The following C1orf116 variants were observed in gnomAD, a reference collection of about 807,000 sequenced individuals.
C1orf116 encodes chromosome 1 open reading frame 116, also known as specifically androgen-regulated gene protein.
C1orf116 carries 12 observed loss-of-function variants against 14.1 expected under a neutral mutation model. The observed-to-expected ratio is 0.85, with a 90% CI of 0.54 to 1.38. The LOEUF (loss-of-function observed/expected upper bound fraction) is 1.38. Ranked by LOEUF, C1orf116 falls within the 40% of genes most tolerant of loss-of-function variation. The pLI, the probability that C1orf116 is intolerant of heterozygous loss-of-function variation, is 0.00. For synonymous variants in C1orf116, 296 were observed against 299.0 expected (o/e 0.99, Z 0.10); for missense variants, 797 against 747.0 (o/e 1.07, Z -0.78).
chr1:207,022,570 C>A lies in C1orf116; in HGVS notation c.1194G>T (p.Gln398His). The A allele has an allele frequency of 6.2e-7, 1 of 1,614,136 alleles. No individual in the cohort carries two copies. Among genetic ancestry groups the A allele is most frequent in the Non-Finnish European group, 8.5e-7 (1 of 1,179,990 alleles). Residue 398 changes from glutamine (Q) to histidine (H), a missense_variant, in exon 4 of 4, where the codon CAG becomes CAT. By Grantham distance (24) the Gln-to-His change is conservative (BLOSUM62 0). Transcript: ENST00000359470. ...CAGCAGCAGGAATAGCTGCTGAGGCCTGGGCTGGAGCTGCAGGCTGAGCCA... is the reference window on the plus strand; with the variant it reads ...CAGCAGCAGGAATAGCTGCTGAGGCATGGGCTGGAGCTGCAGGCTGAGCCA... ...PGLAQPAAPAQASAAIPAAGK... is the reference protein window; with the variant it reads ...PGLAQPAAPAHASAAIPAAGK...
At chr1:207,032,359 A>G (rs549174972) in intron 1 of C1orf116, among the ~76,000 whole-genome samples, 2 of 152,344 alleles carry the variant, frequency 1.3e-5, no homozygotes, top group South Asian at 2.1e-4. Context: ...AATGAAAAAG[A>G]AGGTGCCTCC....
Position 207,023,522 on chromosome 1 carries a change from G to A in C1orf116, c.284-42C>T, listed in dbSNP as rs767560908. ...GAACATAAAAGAGTGGACAGAAAAA[G>A]AGTGGACAGAGGTGAGGGCCCTGCT... On this transcript the variant is annotated intron_variant, in intron 3 of 3. Coordinates refer to ENST00000359470, the MANE Select transcript of C1orf116 (RefSeq NM_023938.6). 5.2e-6 allele frequency: 8 copies of A among 1,547,482 alleles called. No homozygotes were observed. The African/African-American group carries it at 8.2e-5, about 16-fold the overall frequency.
rs1408258551 is a variant in C1orf116, at chr1:207,023,596, T to C, written c.284-116A>G. 4 of 1,378,120 alleles carry C rather than the reference T, an allele frequency of 2.9e-6. No homozygotes were observed. The African/African-American group carries it at 4.4e-5, about 15-fold the overall frequency. The allele number at this position is 1,378,120 out of a possible 1,614,324, so 85.4% of individuals were successfully genotyped here. ...CTGAACTCTGATCCCAAACTAGCAA[T>C]GAATGGGTTTTATTTTGCCTTGTTT... On this transcript the variant is annotated intron_variant, in intron 3 of 3. Transcript: ENST00000359470.
chr1:207,026,848 A>G (rs1160312656), intron 2 of C1orf116, among the ~76,000 whole-genome samples: 2 of 152,254 alleles, frequency 1.3e-5, no homozygotes, highest in Non-Finnish European at 2.9e-5. Context: ...GTAGCTAAAC[A>G]CAGTGACTTT....
In C1orf116 at chr1:207,025,037, T is replaced by C. The variant is rs2102300913; in HGVS notation, c.133A>G (p.Thr45Ala). 7.2e-7 allele frequency: 1 copy of C among 1,396,716 alleles called. No homozygotes were observed. Among genetic ancestry groups the C allele is most frequent in the Non-Finnish European group, 9.5e-7 (1 of 1,054,454 alleles). The allele number at this position is 1,396,716 out of a possible 1,614,324, so 86.5% of individuals were successfully genotyped here. A position where few individuals can be genotyped will look rare whatever the true frequency, so the allele number is the denominator to read the frequency against. Residue 45 changes from threonine (T) to alanine (A), a missense_variant, in exon 3 of 4, where the codon ACT becomes GCT. By Grantham distance (58) the Thr-to-Ala change is moderately conservative. Transcript: ENST00000359470. ...AAGAGCAGACACTCCTTCTCTTCAG[T>C]GGACAGGAAGTCGTAGCTGCTATCA... ...SSDSSYDFLS[T>A]EEKECLLFLE...
Position 207,022,273 on chromosome 1 carries a change from A to G in C1orf116, c.1491T>C (p.Thr497=), listed in dbSNP as rs1681898848. 1.2e-6 allele frequency: 2 copies of G among 1,613,712 alleles called. No homozygotes were observed. Among genetic ancestry groups the G allele is most frequent in the South Asian group, 1.1e-5 (1 of 90,990 alleles). Residue 497 remains threonine (T), a synonymous_variant, in exon 4 of 4, where the codon ACT becomes ACC. Coordinates refer to ENST00000359470, the MANE Select transcript of C1orf116 (RefSeq NM_023938.6). ...SGVGLSSYLS[T]EKDASPKTST... The stretch of plus-strand genomic sequence containing the variant: ...TGGTTTTGGGGCTGGCATCTTTCTC[A>G]GTTGAAAGGTAGCTGCTCAGTCCCA...
In C1orf116 at chr1:207,021,611, C is replaced by T. The variant is rs1289543975; in HGVS notation, c.*347G>A. 2 of 179,812 alleles carry T rather than the reference C, an allele frequency of 1.1e-5. No homozygotes were observed. Among genetic ancestry groups the T allele is most frequent in the Non-Finnish European group, 2.3e-5 (2 of 86,636 alleles). 11.1% of individuals were successfully genotyped at this position (179,812 alleles called of 1,614,324 possible). On this transcript the variant is annotated 3_prime_UTR_variant, in exon 4 of 4. Coordinates refer to ENST00000359470, the MANE Select transcript of C1orf116 (RefSeq NM_023938.6). ...CTCAGGCATGGCCAGCCCCTTCACTCAGCTCTCACTAGGCTGGACTCTACC... is the reference window on the plus strand; with the variant it reads ...CTCAGGCATGGCCAGCCCCTTCACTTAGCTCTCACTAGGCTGGACTCTACC...
At position 207,023,426 on chromosome 1, in the gene C1orf116, TCA is replaced by T. The variant is rs1390053204; in HGVS notation, c.336_337del (p.Glu113ValfsTer8). 3.1e-6 allele frequency: 5 copies of T among 1,613,644 alleles called. No homozygotes were observed. The highest frequency in any genetic ancestry group is 4.2e-6 in the Non-Finnish European group (5 of 1,179,878). On this transcript the variant is annotated frameshift_variant, in exon 4 of 4. Transcript: ENST00000359470. LOFTEE classifies it low-confidence loss of function (END_TRUNC). ...CTCAGGAGGGTGGGATGAGCTGGAC[TCA>T]GTTACTGTCCTTGGCGTTCGTCCTT...
At chr1:207,026,476 A>G (rs1430421134) in intron 2 of C1orf116, among the ~76,000 whole-genome samples, 1 of 152,260 alleles carries the variant, frequency 6.6e-6, no homozygotes, top group Non-Finnish European at 1.5e-5. Context: ...TCAGCCTAAA[A>G]GACATAGAAA....
intron 3 of C1orf116, 28 bp downstream of exon 3, chr1:207,024,859 G>T (rs746386434): frequency 1.3e-6 from 2 of 1,595,910 alleles, no homozygotes; most frequent in Non-Finnish European, 1.7e-6. Context: ...GGTTTTGCTG[G>T]GGTTCCACCC....
chr1:207,024,710 C>T (rs138219129), intron 3 of C1orf116, among the ~76,000 whole-genome samples, 177 bp downstream of exon 3: 220 of 152,364 alleles, frequency 1.4e-3, no homozygotes, highest in Non-Finnish European at 2.5e-3. Flanking sequence ...CCAGGGGTCC[C>T]TCCTTCCCTC....
chr1:207,027,589 T>G lies in C1orf116; in HGVS notation c.10A>C (p.Arg4=). MPE[R]ELWPAGTGSE... The stretch of plus-strand genomic sequence containing the variant: ...CCAGTCCCCGCTGGCCACAGCTCCC[T>G]CTCGGGCATCACCCGAAACAAGGTG... Residue 4 remains arginine, a synonymous_variant, in exon 2 of 4, where the codon AGG becomes CGG. Coordinates refer to ENST00000359470, the MANE Select transcript of C1orf116 (RefSeq NM_023938.6). The G allele has an allele frequency of 6.2e-7, 1 of 1,612,496 alleles. No homozygotes were observed. Among genetic ancestry groups the G allele is most frequent in the Non-Finnish European group, 8.5e-7 (1 of 1,180,028 alleles).
intron 1 of C1orf116, among the ~76,000 whole-genome samples, chr1:207,030,638 A>G (rs767260463): frequency 6.6e-5 from 10 of 152,186 alleles, no homozygotes; most frequent in Non-Finnish European, 1.2e-4. Flanking sequence ...GACCTAAAGA[A>G]TCTTAATGGT....
chr1:207,020,550 C>A lies in C1orf116; in HGVS notation c.*1408G>T, dbSNP rs1572690957. ...CCAAGCTTGTATTTGCAAGCCCACA[C>A]CACCCACCCATAATACCCTCTTTCG... On this transcript the variant is annotated 3_prime_UTR_variant, in exon 4 of 4. Transcript: ENST00000359470. 2 of 152,316 alleles carry A rather than the reference C, an allele frequency of 1.3e-5. No individual in the cohort carries two copies. The highest frequency in any genetic ancestry group is 6.8e-3 in the Middle Eastern group (2 of 294). 9.4% of individuals were successfully genotyped at this position (152,316 alleles called of 1,614,324 possible).
chr1:207,032,289 A>G (rs899581501), intron 1 of C1orf116, among the ~76,000 whole-genome samples: 1 of 152,226 alleles, frequency 6.6e-6, no homozygotes, highest in African/African-American at 2.4e-5. Context: ...AATTTCCAAA[A>G]CAAATCTATT....
chr1:207,023,025 T>G lies in C1orf116; in HGVS notation c.739A>C (p.Met247Leu), dbSNP rs1169101645. The G allele has an allele frequency of 6.2e-7, 1 of 1,613,734 alleles. No individual in the cohort carries two copies. Among genetic ancestry groups the G allele is most frequent in the East Asian group, 2.2e-5 (1 of 44,880 alleles). Reference sequence around the variant, plus strand: ...ACTGTTTCCTTGGCTTTTTGGGACATGGCTTCTGAAGGAGTCTGCTCTCTT... The same window carrying G: ...ACTGTTTCCTTGGCTTTTTGGGACAGGGCTTCTGAAGGAGTCTGCTCTCTT... Reference protein sequence around the residue: ...QEREQTPSEAMSQKAKETVST... With the variant: ...QEREQTPSEALSQKAKETVST... Residue 247 changes from methionine to leucine, a missense_variant, in exon 4 of 4, where the codon ATG (methionine) becomes CTG (leucine). Coordinates refer to ENST00000359470, the MANE Select transcript of C1orf116 (RefSeq NM_023938.6).
At position 207,020,505 on chromosome 1, in the gene C1orf116, T is replaced by C. The variant is rs1210465991; in HGVS notation, c.*1453A>G. The stretch of plus-strand genomic sequence containing the variant: ...ACTTCCTAAGGGGAAGCAGGAGTCA[T>C]GTCTGGCCATGTCTCACCTCCAAGC... On this transcript the variant is annotated 3_prime_UTR_variant, in exon 4 of 4. Transcript: ENST00000359470. 2 of 152,118 alleles carry C rather than the reference T, an allele frequency of 1.3e-5. No individual in the cohort carries two copies. The highest frequency in any genetic ancestry group is 2.9e-5 in the Non-Finnish European group (2 of 68,034). The allele number at this position is 152,118 out of a possible 1,614,324, so 9.4% of individuals were successfully genotyped here. A position where few individuals can be genotyped will look rare whatever the true frequency, so the allele number is the denominator to read the frequency against.
In C1orf116 at chr1:207,030,765, T is replaced by C. The variant is rs138832630; in HGVS notation, c.-82+1814A>G. Among the ~76,000 whole-genome samples the C allele has an allele frequency of 1.8e-3, 274 of 151,822 alleles. 1 individual carries two copies. The highest frequency in any genetic ancestry group is 6.6e-3 in the African/African-American group (272 of 41,376). On this transcript the variant is annotated intron_variant, in intron 1 of 3. Coordinates refer to ENST00000359470, the MANE Select transcript of C1orf116 (RefSeq NM_023938.6). ...ACAAACAAAACACTCAAGGTGAGAG[T>C]TTGGTATCTTAACCCTTGACCTCTT...
chr1:207,031,050 C>T (rs1047242804), intron 1 of C1orf116, among the ~76,000 whole-genome samples: 1 of 152,160 alleles, frequency 6.6e-6, no homozygotes, highest in South Asian at 2.1e-4. Flanking sequence ...CATCCTCCTC[C>T]CACGAACCCC....
Sources: gnomAD v4.1 joint callset for allele counts (sites outside exome capture counted in the v4.1 genomes callset) on GRCh38, gnomAD v4.1.1 for gene constraint, MANE v1.5 for transcripts, NCBI Gene and HGNC (gene_info 2026-07-23, HGNC 2026-07-21) for gene names.